Variants in SEZ6 observed in about 807,000 individuals in gnomAD.
SEZ6 encodes the protein seizure related 6 homolog.
In SEZ6, 53 loss-of-function variants were observed where a neutral mutation model predicts 101.0. That is an observed-to-expected ratio of 0.52 (90% CI 0.42 to 0.66). SEZ6 has a LOEUF of 0.66. Ranked by LOEUF, SEZ6 falls within the 30% of genes least tolerant of loss-of-function variation. The pLI, the probability that SEZ6 is intolerant of heterozygous loss-of-function variation, is 0.00. For synonymous variants in SEZ6, 488 were observed against 512.2 expected, an observed-to-expected ratio of 0.95 and a Z score of 0.64; for missense variants, 1,102 against 1,289.4, an observed-to-expected ratio of 0.85 and a Z score of 2.23.
chr17:28,963,797 A>T, intron 5 of SEZ6, 165 bp downstream of exon 5: 1 of 738,868 alleles, frequency 1.4e-6, no homozygotes, highest in Non-Finnish European at 2.3e-6. Context: ...TTCATCTGGT[A>T]GATGCTCAAT....
intron 1 of SEZ6, among the ~76,000 whole-genome samples, chr17:28,984,048 C>G (rs2041345545): frequency 6.6e-6 from 1 of 152,188 alleles, no homozygotes; most frequent in Admixed American, 6.5e-5. Flanking sequence ...CCTGAGAAAC[C>G]AGGACCAACT....
chr17:28,976,504 T>C (rs546358005), intron 3 of SEZ6, among the ~76,000 whole-genome samples: 1 of 152,112 alleles, frequency 6.6e-6, no homozygotes, highest in African/African-American at 2.4e-5. Context: ...CCCAGTGAAT[T>C]CATAGAGGGG....
intron 5 of SEZ6, 126 bp downstream of exon 5, chr17:28,963,836 G>A: frequency 9.0e-7 from 1 of 1,110,858 alleles, no homozygotes; most frequent in Non-Finnish European, 1.3e-6. Flanking sequence ...TGCCACTGAG[G>A]TGCATGGCCA....
At chr17:28,987,505 G>A (rs973752236) in intron 1 of SEZ6, among the ~76,000 whole-genome samples, 1 of 152,206 alleles carries the variant, frequency 6.6e-6, no homozygotes, top group Non-Finnish European at 1.5e-5. Context: ...AGGCAGGTTT[G>A]CTGCTATCCA....
At position 28,973,986 on chromosome 17, in the gene SEZ6, T is replaced by G. The variant is rs1465376997; in HGVS notation, c.859-4034A>C. 2.0e-5 allele frequency among the ~76,000 whole-genome samples: 3 copies of G among 152,268 alleles called. No individual in the cohort carries two copies. In the South Asian group the frequency reaches 6.2e-4, roughly 32 times the overall value. On this transcript the variant is annotated intron_variant, in intron 3 of 16. Coordinates refer to ENST00000317338, the MANE Select transcript of SEZ6 (RefSeq NM_178860.5). ...CAGCTCAAGGAGGAAATACAGCCAC[T>G]TTGAGAGGCTGGCCCTTTCCAGGAT...
Position 29,005,614 on chromosome 17 carries a change from A to C in SEZ6, c.55+201T>G, listed in dbSNP as rs1234919052. Among the ~76,000 whole-genome samples the C allele has an allele frequency of 1.3e-5, 2 of 151,444 alleles. No individual in the cohort carries two copies. Among genetic ancestry groups the C allele is most frequent in the Non-Finnish European group, 2.9e-5 (2 of 67,820 alleles). Reference sequence around the variant, plus strand: ...AAAGACGAGGTCTCGGCCGGGCGCGAATGGCGGGAGCCGCGGCAGCTTCCC... The same window carrying C: ...AAAGACGAGGTCTCGGCCGGGCGCGCATGGCGGGAGCCGCGGCAGCTTCCC... On this transcript the variant is annotated intron_variant, in intron 1 of 16. Coordinates refer to ENST00000317338, the MANE Select transcript of SEZ6 (RefSeq NM_178860.5). This position sits in a 1 kb window ranked among gnomAD's most constrained non-coding sequence, Gnocchi z 4.8.
At chr17:28,984,225 C>T (rs953656135) in intron 1 of SEZ6, among the ~76,000 whole-genome samples, 10 of 152,214 alleles carry the variant, frequency 6.6e-5, no homozygotes, top group African/African-American at 2.4e-4. Flanking sequence ...AAGGTCCAGG[C>T]AGTGCCTGTG....
chr17:29,001,871 G>A (rs1306438484), intron 1 of SEZ6, among the ~76,000 whole-genome samples: 3 of 152,166 alleles, frequency 2.0e-5, no homozygotes, highest in Non-Finnish European at 2.9e-5. Flanking sequence ...GTAAGCTGGG[G>A]ACCCAGAAAT....
chr17:28,975,085 A>G (rs1484925539), intron 3 of SEZ6, among the ~76,000 whole-genome samples: 1 of 152,218 alleles, frequency 6.6e-6, no homozygotes, highest in African/African-American at 2.4e-5. Context: ...GCTAGCAGTC[A>G]TCTTTCCATT....
intron 4 of SEZ6, among the ~76,000 whole-genome samples, chr17:28,968,878 C>A (rs965873007): frequency 2.6e-5 from 4 of 152,200 alleles, no homozygotes; most frequent in Non-Finnish European, 5.9e-5. Context: ...TGACTTTGTG[C>A]TCAGAGAGGG....
rs1356057357 is a variant in SEZ6 at position 28,973,705 on chromosome 17, C to CA, written c.859-3754dup. 2.6e-5 allele frequency among the ~76,000 whole-genome samples: 4 copies of CA among 152,314 alleles called. 1 individual carries two copies. Among genetic ancestry groups the CA allele is most frequent in the Middle Eastern group, 6.8e-3 (2 of 294 alleles). On this transcript the variant is annotated intron_variant, in intron 3 of 16. Transcript: ENST00000317338. ...GTCACTTGTTTGAGGGCCAGGCTGA[C>CA]AGAGGCCAGACAGGGCTGGGTGTCG... is the stretch of plus-strand genomic sequence containing the variant.
At position 28,960,215 on chromosome 17, in the gene SEZ6, C is replaced by T. The variant is rs1347674742; in HGVS notation, c.1576+290G>A. ...AATGGTTCTAGAATGTCTCTTACAG[C>T]AATTCTTTCTTAAGGGTTGAGGCCT... On this transcript the variant is annotated intron_variant, in intron 7 of 16. Transcript: ENST00000317338. The T allele has an allele frequency of 8.7e-6, 5 of 577,026 alleles. No homozygotes were observed. The East Asian group carries it at 1.5e-4, about 17-fold the overall frequency. 35.7% of individuals were successfully genotyped at this position (577,026 alleles called of 1,614,324 possible). A position where few individuals can be genotyped will look rare whatever the true frequency, so the allele number is the denominator to read the frequency against.
chr17:29,005,971 G>A lies in SEZ6; in HGVS notation c.-102C>T. ...GCAGAGCCGGGTCCGGCCGGGTAGA[G>A]GGAGCGGGGCCGCAGCCGTCACCGC... On this transcript the variant is annotated 5_prime_UTR_variant, in exon 1 of 17. Transcript: ENST00000317338. This position sits in a 1 kb window ranked among gnomAD's most constrained non-coding sequence, Gnocchi z 4.8. The A allele has an allele frequency of 1.9e-6, 2 of 1,060,308 alleles. No homozygotes were observed. Among genetic ancestry groups the A allele is most frequent in the Non-Finnish European group, 2.4e-6 (2 of 824,800 alleles). 65.7% of individuals were successfully genotyped at this position (1,060,308 alleles called of 1,614,324 possible).
rs1266508922 is a variant in SEZ6 at position 28,981,829 on chromosome 17, C to T, written c.266G>A (p.Arg89Lys). The change falls in exon 2 of 17, where the codon AGG becomes AAG. Residue 89 changes from arginine (R) to lysine (K), a missense_variant. Coordinates refer to ENST00000317338, the MANE Select transcript of SEZ6 (RefSeq NM_178860.5). ...EGLEKGDEEL[R>K]PALPFQPDPP... ...GTCAGGCTGGAAGGGCAGTGCTGGC[C>T]TCAGCTCCTCATCTCCCTTTTCCAG... The T allele has an allele frequency of 6.2e-7, 1 of 1,613,882 alleles. No individual in the cohort carries two copies. The highest frequency in any genetic ancestry group is 1.1e-5 in the South Asian group (1 of 91,084).
chr17:28,981,740 A>T lies in SEZ6; in HGVS notation c.355T>A (p.Phe119Ile). 1 of 1,608,022 alleles carries T rather than the reference A, an allele frequency of 6.2e-7. No individual in the cohort carries two copies. Among genetic ancestry groups the T allele is most frequent in the Non-Finnish European group, 8.5e-7 (1 of 1,175,498 alleles). Residue 119 changes from phenylalanine (F) to isoleucine (I), a missense_variant, in exon 2 of 17, where the codon TTT becomes ATT. Around this residue, in one of 3 missense-constraint regions of SEZ6, gnomAD observed 406 missense variants for 418.6 expected, o/e 0.97. Coordinates refer to ENST00000317338, the MANE Select transcript of SEZ6 (RefSeq NM_178860.5). ...GCCATGGCTGGAGTGGGGCTGGTAA[A>T]GACAGGGCGGCTGTCCTGGTTGGCC... is the stretch of plus-strand genomic sequence containing the variant. ...RLANQDSRPV[F>I]TSPTPAMAAV...
intron 4 of SEZ6, among the ~76,000 whole-genome samples, chr17:28,968,659 G>C (rs1480590443): frequency 1.3e-5 from 2 of 152,184 alleles, no homozygotes; most frequent in Non-Finnish European, 2.9e-5. Context: ...AGTTTGGGTG[G>C]AGGGGTGAGG....
chr17:28,960,108 C>A, intron 7 of SEZ6: 1 of 611,570 alleles, frequency 1.6e-6, no homozygotes, highest in Non-Finnish European at 2.8e-6. Context: ...CATCCTGTTC[C>A]CACTGCCTGG....
intron 7 of SEZ6, 74 bp downstream of exon 7, chr17:28,960,431 T>C: frequency 1.3e-6 from 2 of 1,525,612 alleles, no homozygotes; most frequent in Non-Finnish European, 1.8e-6. Context: ...AGGGGTAGGG[T>C]GTGGGAGAAA....
At position 28,958,967 on chromosome 17, in the gene SEZ6, C is replaced by A. The variant is rs564145183; in HGVS notation, c.2107+58G>T. 76 of 1,545,938 alleles carry A rather than the reference C, an allele frequency of 4.9e-5. No individual in the cohort carries two copies. In the African/African-American group the frequency reaches 9.3e-4, roughly 19 times the overall value. On this transcript the variant is annotated intron_variant, in intron 10 of 16. Transcript: ENST00000317338. ...CATTCAGGCACCTCACTGCCCTAGC[C>A]TCTTTGGCTTGCCATGGCTTGCTGT... is the stretch of plus-strand genomic sequence containing the variant.
Sources: gnomAD v4.1 joint callset for allele counts (sites outside exome capture counted in the v4.1 genomes callset) on GRCh38, gnomAD v4.1.1 for gene constraint, gnomAD v4.1.1 regional missense constraint, Gnocchi (gnomAD v3.1) non-coding constraint, MANE v1.5 for transcripts, NCBI Gene and HGNC (gene_info 2026-07-23, HGNC 2026-07-21) for gene names.